The following WNK2 variants were observed in gnomAD, a reference collection of about 807,000 sequenced individuals.
The protein encoded by WNK2 is WNK lysine deficient protein kinase 2.
A neutral mutation model predicts 192.1 loss-of-function variants in WNK2; 67 were observed. The ratio of observed to expected loss-of-function variants is 0.35; its 90% confidence interval spans 0.29 to 0.43. WNK2 has a LOEUF of 0.43. Ranked by LOEUF, WNK2 falls within the 20% of genes least tolerant of loss-of-function variation. The probability of loss-of-function intolerance (pLI) is 1.00; values close to 1 mark genes in which losing one functional copy is unlikely to be tolerated. For missense variants in WNK2, 2,698 were observed against 3,089.7 expected (o/e 0.87, Z 3.01); for synonymous variants, 1,439 against 1,393.9 (o/e 1.03, Z -0.72).
intron 2 of WNK2, among the ~76,000 whole-genome samples, chr9:93,190,254 C>T (rs1830092699): frequency 6.6e-6 from 1 of 152,192 alleles, no homozygotes. Context: ...GTGCTTCTGC[C>T]CCCCGAGTGG....
intron 13 of WNK2, among the ~76,000 whole-genome samples, 157 bp from the exon 14 acceptor site, chr9:93,262,513 G>A (rs1201008064): frequency 6.6e-6 from 1 of 152,278 alleles, no homozygotes; most frequent in Non-Finnish European, 1.5e-5. Context: ...GACGCCCCCT[G>A]GGTCGTACCC....
intron 2 of WNK2, among the ~76,000 whole-genome samples, chr9:93,208,022 A>G (rs371898822): frequency 6.6e-6 from 1 of 151,874 alleles, no homozygotes; most frequent in East Asian, 1.9e-4. Flanking sequence ...GAGGACCTTC[A>G]TCTCCTCCCC....
intron 2 of WNK2, among the ~76,000 whole-genome samples, chr9:93,211,174 A>T (rs1349494195): frequency 0.023 from 173 of 7,556 alleles, no homozygotes; most frequent in Middle Eastern, 0.1. Flanking sequence ...CCTCACTCAT[A>T]CATCCACTCA....
intron 14 of WNK2, chr9:93,263,331 C>T: frequency 1.7e-6 from 1 of 584,666 alleles, no homozygotes; most frequent in East Asian, 2.9e-5. Flanking sequence ...CAAGGTAACG[C>T]AGCTAGTAGC....
intron 2 of WNK2, among the ~76,000 whole-genome samples, chr9:93,223,518 C>G (rs1196844409): frequency 6.6e-6 from 1 of 152,224 alleles, no homozygotes; most frequent in Admixed American, 6.5e-5. Flanking sequence ...TGGCTGCGTT[C>G]CCATGGGGTT....
intron 21 of WNK2, among the ~76,000 whole-genome samples, chr9:93,292,021 T>G (rs948713203): frequency 2.0e-5 from 3 of 152,216 alleles, no homozygotes; most frequent in Non-Finnish European, 4.4e-5. Context: ...CCTGGCTGCA[T>G]GAGGGTGCCC....
intron 19 of WNK2, among the ~76,000 whole-genome samples, chr9:93,283,431 A>C (rs1206541811): frequency 1.3e-5 from 2 of 152,202 alleles, no homozygotes; most frequent in Non-Finnish European, 2.9e-5. Flanking sequence ...AGAGAGAAAG[A>C]CATAAGTAAT....
chr9:93,226,475 A>G lies in WNK2; in HGVS notation c.682-3221A>G, dbSNP rs570367365. On this transcript the variant is annotated intron_variant, in intron 2 of 29. Coordinates refer to ENST00000427277, the MANE Select transcript of WNK2 (RefSeq NM_006648.4). ...TCCTTTTTTTTTGTTTTTACATATGAAAAATTGAAGGGTGATTTACATATA... is the reference window on the plus strand; with the variant it reads ...TCCTTTTTTTTTGTTTTTACATATGGAAAATTGAAGGGTGATTTACATATA... Among the ~76,000 whole-genome samples the G allele has an allele frequency of 4.0e-5, 6 of 151,806 alleles. No individual in the cohort carries two copies. In the South Asian group the frequency reaches 1.2e-3, roughly 32 times the overall value.
intron 2 of WNK2, among the ~76,000 whole-genome samples, chr9:93,188,402 G>A (rs1829728183): frequency 6.6e-6 from 1 of 152,230 alleles, no homozygotes; most frequent in Non-Finnish European, 1.5e-5. Flanking sequence ...ACTCTGTAGA[G>A]AGGGTAATAT....
At chr9:93,305,386 G>A (rs914617949) in intron 26 of WNK2, among the ~76,000 whole-genome samples, 2 of 152,170 alleles carry the variant, frequency 1.3e-5, no homozygotes, top group African/African-American at 4.8e-5. Context: ...GAGCCATTGA[G>A]GGGATATCAG....
Position 93,259,383 on chromosome 9 carries a change from T to G in WNK2, c.2835T>G (p.Pro945=). 1 of 1,601,448 alleles carries G rather than the reference T, an allele frequency of 6.2e-7. No homozygotes were observed. The highest frequency in any genetic ancestry group is 8.5e-7 in the Non-Finnish European group (1 of 1,175,290). Residue 945 remains proline (P), a synonymous_variant, in exon 12 of 30, where the codon CCT becomes CCG. Coordinates refer to ENST00000427277, the MANE Select transcript of WNK2 (RefSeq NM_006648.4). The surrounding 1 kb of genome is among the most constrained non-coding windows in gnomAD (Gnocchi z 4.8). The stretch of plus-strand genomic sequence containing the variant: ...CCACCCCTCCACAGCCGGCACTGCC[T>G]CCACAACCCACACTGCCCCCACAAC... ...MRATPPQPAL[P]PQPTLPPQPV...
At chr9:93,253,540 C>T (rs1842878754) in intron 9 of WNK2, among the ~76,000 whole-genome samples, 1 of 152,126 alleles carries the variant, frequency 6.6e-6, no homozygotes, top group Non-Finnish European at 1.5e-5. Flanking sequence ...AGAAAAGCAT[C>T]ATTTGTACGA....
chr9:93,280,723 A>G (rs553226561), intron 19 of WNK2, among the ~76,000 whole-genome samples: 148 of 152,186 alleles, frequency 9.7e-4, no homozygotes, highest in Non-Finnish European at 1.8e-3. Flanking sequence ...TATTTTCTTC[A>G]GCACTGTGAG....
intron 27 of WNK2, 46 bp from the exon 28 acceptor site, chr9:93,308,282 G>A: frequency 6.5e-7 from 1 of 1,529,346 alleles, no homozygotes; most frequent in South Asian, 1.2e-5. Flanking sequence ...GGGGGCCTGG[G>A]TGCGTGTGTG....
Position 93,319,515 on chromosome 9 carries a change from C to T in WNK2, c.6629-852C>T, listed in dbSNP as rs1039262891. On this transcript the variant is annotated intron_variant, in intron 29 of 29. Coordinates refer to ENST00000427277, the MANE Select transcript of WNK2 (RefSeq NM_006648.4). ...CTGCCCACCACTCTGCACCTGATTA[C>T]ACTTAGCAGTGCCACGGGCTGTGAC... 2.0e-5 allele frequency: 13 copies of T among 650,662 alleles called. No homozygotes were observed. The African/African-American group carries it at 2.6e-4, about 13-fold the overall frequency. 40.3% of individuals were successfully genotyped at this position (650,662 alleles called of 1,614,324 possible). A position where few individuals can be genotyped will look rare whatever the true frequency, so the allele number is the denominator to read the frequency against.
rs1170042016 is a variant in WNK2, at chr9:93,263,930, G to A, written c.3593G>A (p.Gly1198Glu). The A allele has an allele frequency of 1.9e-6, 3 of 1,613,018 alleles. No individual in the cohort carries two copies. In the East Asian group the frequency reaches 6.7e-5, roughly 36 times the overall value. The change falls in exon 16 of 30, where the codon GGG becomes GAG. Residue 1198 changes from glycine (G) to glutamate (E), a missense_variant. By Grantham distance (98) the Gly-to-Glu change is moderately conservative (BLOSUM62 -2). Around this residue, in one of 7 missense-constraint regions of WNK2, gnomAD observed 893 missense variants for 909.0 expected, o/e 0.98. Coordinates refer to ENST00000427277, the MANE Select transcript of WNK2 (RefSeq NM_006648.4). ...TGCCCCTTCCAGGTGTGCAACACTGGGGACAAGATGGTGGAGTGCCAGCTG... is the reference window on the plus strand; with the variant it reads ...TGCCCCTTCCAGGTGTGCAACACTGAGGACAAGATGGTGGAGTGCCAGCTG... ...RLTILNVCNT[G>E]DKMVECQLET...
intron 2 of WNK2, among the ~76,000 whole-genome samples, chr9:93,205,661 G>T (rs762311626): frequency 6.6e-6 from 1 of 152,250 alleles, no homozygotes; most frequent in Non-Finnish European, 1.5e-5. Context: ...GGTATTTTTG[G>T]CACTGCTGAG....
chr9:93,256,220 G>A (rs1843258551), intron 9 of WNK2, 79 bp from the exon 10 acceptor site: 3 of 1,386,350 alleles, frequency 2.2e-6, no homozygotes, highest in Non-Finnish European at 1.9e-6. Context: ...GGGATGACAT[G>A]AGGCTACCCT....
chr9:93,287,580 C>T (rs111864348), intron 19 of WNK2, among the ~76,000 whole-genome samples: 4 of 152,012 alleles, frequency 2.6e-5, no homozygotes, highest in Admixed American at 2.6e-4. Context: ...ACGGTAAGGC[C>T]GGAAAGGAGC....
Sources: gnomAD v4.1 joint callset for allele counts (sites outside exome capture counted in the v4.1 genomes callset) on GRCh38, gnomAD v4.1.1 for gene constraint, gnomAD v4.1.1 regional missense constraint, Gnocchi (gnomAD v3.1) non-coding constraint, MANE v1.5 for transcripts, NCBI Gene and HGNC (gene_info 2026-07-23, HGNC 2026-07-21) for gene names.